ZFPM2: variants seen among roughly 807,000 people sequenced by gnomAD.
ZFPM2 encodes zinc finger protein, FOG family member 2.
A neutral mutation model predicts 98.6 loss-of-function variants in ZFPM2; 20 were observed. The ratio of observed to expected loss-of-function variants is 0.20; its 90% CI spans 0.14 to 0.29. The LOEUF (loss-of-function observed/expected upper bound fraction) is 0.29. Among genes scored for constraint, ZFPM2 ranks in the 10% least tolerant of loss-of-function variants. ZFPM2 has a pLI of 1.00. For synonymous variants in ZFPM2, 518 were observed against 502.7 expected, an observed-to-expected ratio of 1.03 and a Z score of -0.41; for missense variants, 1,310 against 1,388.6, an observed-to-expected ratio of 0.94 and a Z score of 0.90.
chr8:105,566,847 A>G (rs1362698836), intron 4 of ZFPM2, among the ~76,000 whole-genome samples: 1 of 152,172 alleles, frequency 6.6e-6, no homozygotes, highest in African/African-American at 2.4e-5. Flanking sequence ...GAGAAATCTC[A>G]TTTTATTCTG....
At chr8:105,447,322 A>G (rs371627824) in intron 3 of ZFPM2, among the ~76,000 whole-genome samples, 1 of 151,808 alleles carries the variant, frequency 6.6e-6, no homozygotes. Context: ...TTGGCAAAAA[A>G]AAAAACCAAA....
intron 1 of ZFPM2, among the ~76,000 whole-genome samples, chr8:105,404,933 CCA>C (rs1811411552): frequency 6.6e-6 from 1 of 152,052 alleles, no homozygotes; most frequent in Non-Finnish European, 1.5e-5. Flanking sequence ...CTCATTTGTG[CCA>C]CAGTTAACCC....
intron 1 of ZFPM2, among the ~76,000 whole-genome samples, chr8:105,404,186 A>G (rs1414668115): frequency 6.6e-6 from 1 of 152,060 alleles, no homozygotes; most frequent in Non-Finnish European, 1.5e-5. Flanking sequence ...GTTCTCTTTC[A>G]TCTTCTGTGT....
At chr8:105,446,598 C>T (rs1180920420) in intron 3 of ZFPM2, among the ~76,000 whole-genome samples, 4 of 152,004 alleles carry the variant, frequency 2.6e-5, no homozygotes, top group Non-Finnish European at 5.9e-5. Context: ...TTTCCATTTT[C>T]GTTTAAATTT....
intron 3 of ZFPM2, among the ~76,000 whole-genome samples, chr8:105,466,210 G>A (rs1812793429): frequency 6.6e-6 from 1 of 151,866 alleles, no homozygotes. Context: ...GGATGGATGT[G>A]TTAGCTGTTA....
intron 1 of ZFPM2, among the ~76,000 whole-genome samples, chr8:105,339,270 T>A (rs1812384126): frequency 6.6e-6 from 1 of 151,848 alleles, no homozygotes; most frequent in Non-Finnish European, 1.5e-5. Context: ...ATTCTGTTGT[T>A]CCATCTTTTT....
At chr8:105,547,476 AG>A (rs2130647129) in intron 3 of ZFPM2, among the ~76,000 whole-genome samples, 1 of 130,158 alleles carries the variant, frequency 7.7e-6, no homozygotes, top group East Asian at 2.6e-4. Flanking sequence ...CGGGAGGCGG[AG>A]GTTGCAGTGA....
intron 3 of ZFPM2, among the ~76,000 whole-genome samples, chr8:105,509,334 C>T (rs1439611365): frequency 6.6e-6 from 1 of 152,146 alleles, no homozygotes; most frequent in Non-Finnish European, 1.5e-5. Flanking sequence ...GATCCCTTCC[C>T]TCTCCCAGAA....
At chr8:105,741,809 G>T (rs887934803) in intron 5 of ZFPM2, among the ~76,000 whole-genome samples, 5 of 152,006 alleles carry the variant, frequency 3.3e-5, no homozygotes, top group African/African-American at 7.2e-5. Flanking sequence ...CTAGTGCACT[G>T]CCAGTTGTAA....
chr8:105,456,264 A>G (rs1187623786), intron 3 of ZFPM2, among the ~76,000 whole-genome samples: 1 of 151,254 alleles, frequency 6.6e-6, no homozygotes, highest in Non-Finnish European at 1.5e-5. Flanking sequence ...AATGACATTC[A>G]GATATTAGTG....
chr8:105,418,425 TA>T, intron 1 of ZFPM2: 1 of 408,522 alleles, frequency 2.4e-6, no homozygotes, highest in Non-Finnish European at 4.8e-6. Context: ...TTCCTTTCAA[TA>T]AAATAGGTCC....
At chr8:105,492,856 A>G (rs1163936056) in intron 3 of ZFPM2, among the ~76,000 whole-genome samples, 1 of 152,220 alleles carries the variant, frequency 6.6e-6, no homozygotes. Context: ...TGCAACCTAC[A>G]TTTTTGATAC....
chr8:105,618,805 A>G (rs1385901754), intron 4 of ZFPM2, among the ~76,000 whole-genome samples: 1 of 152,154 alleles, frequency 6.6e-6, no homozygotes, highest in African/African-American at 2.4e-5. Context: ...AAATTCAATC[A>G]GTCTGGCCCC....
At chr8:105,486,258 G>A (rs575783253) in intron 3 of ZFPM2, among the ~76,000 whole-genome samples, 1 of 152,154 alleles carries the variant, frequency 6.6e-6, no homozygotes, top group African/African-American at 2.4e-5. Context: ...CTTGAAACAT[G>A]ATGCGTGACT....
chr8:105,337,742 C>A (rs1430251642), intron 1 of ZFPM2, among the ~76,000 whole-genome samples: 1 of 117,802 alleles, frequency 8.5e-6, no homozygotes, highest in African/African-American at 3.5e-5. Flanking sequence ...TCTTTTTGGT[C>A]ATAGTTCATG....
chr8:105,465,772 T>G (rs2130323638), intron 3 of ZFPM2, among the ~76,000 whole-genome samples: 1 of 152,120 alleles, frequency 6.6e-6, no homozygotes, highest in East Asian at 1.9e-4. Flanking sequence ...ATTTAAGATG[T>G]ATGGGATTAG....
At chr8:105,641,416 A>T (rs1816946769) in intron 5 of ZFPM2, among the ~76,000 whole-genome samples, 1 of 152,020 alleles carries the variant, frequency 6.6e-6, no homozygotes, top group African/African-American at 2.4e-5. Flanking sequence ...AGGAGTGAGC[A>T]ATTTATTATT....
At chr8:105,670,695 T>C (rs970741496) in intron 5 of ZFPM2, among the ~76,000 whole-genome samples, 1 of 152,168 alleles carries the variant, frequency 6.6e-6, no homozygotes, top group African/African-American at 2.4e-5. Flanking sequence ...TATATATTTC[T>C]AAAATACATA....
chr8:105,684,145 A>T (rs778902991), intron 5 of ZFPM2, among the ~76,000 whole-genome samples: 31 of 152,130 alleles, frequency 2.0e-4, no homozygotes, highest in Non-Finnish European at 4.4e-4. Context: ...CTGAATAGGG[A>T]TGTGGCAGGC....
Sources: gnomAD v4.1 joint callset for allele counts (sites outside exome capture counted in the v4.1 genomes callset) on GRCh38, gnomAD v4.1.1 for gene constraint, MANE v1.5 for transcripts, NCBI Gene and HGNC (gene_info 2026-07-23, HGNC 2026-07-21) for gene names.